FAM135A: variants seen among roughly 807,000 people sequenced by gnomAD.
FAM135A encodes the protein protein FAM135A.
FAM135A carries 79 observed loss-of-function variants against 146.8 expected under a neutral mutation model. The ratio of observed to expected loss-of-function variants is 0.54; its 90% CI spans 0.45 to 0.65. The LOEUF is 0.65. Among genes scored for constraint, FAM135A ranks in the 30% least tolerant of loss-of-function variants. The probability of loss-of-function intolerance (pLI) is 0.00; values close to 1 mark genes in which losing one functional copy is unlikely to be tolerated. For missense variants in FAM135A, 1,623 were observed against 1,758.2 expected (o/e 0.92, Z 1.38); for synonymous variants, 562 against 603.6 (o/e 0.93, Z 1.01).
intron 12 of FAM135A, among the ~76,000 whole-genome samples, chr6:70,515,407 G>A (rs755475007): frequency 3.9e-5 from 6 of 152,116 alleles, no homozygotes; most frequent in Non-Finnish European, 8.8e-5. Context: ...TTCATACAGT[G>A]GAATGTTATT....
At position 70,526,750 on chromosome 6, in the gene FAM135A, TACACACACACACACATACAC is replaced by T. The variant is rs1362961029; in HGVS notation, c.3614+68_3614+87del. On this transcript the variant is annotated intron_variant, in intron 15 of 21. Coordinates refer to ENST00000418814, the MANE Select transcript of FAM135A (RefSeq NM_001162529.3). ...GCTGCTAAATATATACATATATATA[TACACACACACACACATACAC>T]ACACACACACACACACACACACACA... 152 of 851,518 alleles carry T rather than the reference TACACACACACACACATACAC, an allele frequency of 1.8e-4. 1 individual carries two copies. Among genetic ancestry groups the T allele is most frequent in the African/African-American group, 1.2e-3 (56 of 48,486 alleles). 52.7% of individuals were successfully genotyped at this position (851,518 alleles called of 1,614,324 possible).
At chr6:70,512,142 T>C (rs1039903866) in intron 12 of FAM135A, among the ~76,000 whole-genome samples, 11 of 151,998 alleles carry the variant, frequency 7.2e-5, no homozygotes, top group African/African-American at 2.7e-4. Context: ...CATAAGCAAC[T>C]ACTGTCTTGA....
intron 5 of FAM135A, among the ~76,000 whole-genome samples, chr6:70,453,216 T>G (rs187461534): frequency 7.4e-4 from 112 of 152,262 alleles, no homozygotes; most frequent in Non-Finnish European, 1.3e-3. Context: ...TAAAGAGTTA[T>G]TATGTAAGCC....
rs569278398 is a variant in FAM135A, at chr6:70,501,974, C to T, written c.874-662C>T. ...GTTTGTTTACCTGCTTTTCTCCCCTCACTAGACTGTGAACTTCTCATATTA... is the reference window on the plus strand; with the variant it reads ...GTTTGTTTACCTGCTTTTCTCCCCTTACTAGACTGTGAACTTCTCATATTA... On this transcript the variant is annotated intron_variant, in intron 11 of 21. Coordinates refer to ENST00000418814, the MANE Select transcript of FAM135A (RefSeq NM_001162529.3). 6.4e-4 allele frequency among the ~76,000 whole-genome samples: 97 copies of T among 152,312 alleles called. 1 individual carries two copies. The highest frequency in any genetic ancestry group is 3.4e-3 in the Middle Eastern group (1 of 294).
chr6:70,430,359 G>C (rs1303776594), intron 4 of FAM135A, among the ~76,000 whole-genome samples: 1 of 151,812 alleles, frequency 6.6e-6, no homozygotes, highest in African/African-American at 2.4e-5. Flanking sequence ...AAAAAAGAAA[G>C]AGAGCAGAAG....
chr6:70,542,276 A>ACACACACC (rs1242891663), intron 20 of FAM135A, among the ~76,000 whole-genome samples: 1 of 149,014 alleles, frequency 6.7e-6, no homozygotes, highest in African/African-American at 2.5e-5. Flanking sequence ...ACACACACAC[A>ACACACACC]CCCTTTGCTG....
chr6:70,560,202 C>CTG lies in FAM135A; in HGVS notation c.*285_*286dup, dbSNP rs1801670415. ...TTTCAGTGAAACTTTAAGCCCATAC[C>CTG]TGTGTCTGATTGTTTATTATTGGCT... is the stretch of plus-strand genomic sequence containing the variant. On this transcript the variant is annotated 3_prime_UTR_variant, in exon 22 of 22. Transcript: ENST00000418814. 1 of 289,108 alleles carries CTG rather than the reference C, an allele frequency of 3.5e-6. No individual in the cohort carries two copies. The highest frequency in any genetic ancestry group is 2.2e-5 in the African/African-American group (1 of 44,816). 17.9% of individuals were successfully genotyped at this position (289,108 alleles called of 1,614,324 possible). A position where few individuals can be genotyped will look rare whatever the true frequency, so the allele number is the denominator to read the frequency against.
In FAM135A at chr6:70,561,062, A is replaced by T. The variant is rs1253712360; in HGVS notation, c.*1141A>T. The stretch of plus-strand genomic sequence containing the variant: ...TGTTTGCACTCACTAATTGTGACAG[A>T]CAGAGGTTTTTGTAAGTATTTATTG... On this transcript the variant is annotated 3_prime_UTR_variant, in exon 22 of 22. Coordinates refer to ENST00000418814, the MANE Select transcript of FAM135A (RefSeq NM_001162529.3). The T allele has an allele frequency of 2.0e-5, 3 of 152,562 alleles. No homozygotes were observed. Among genetic ancestry groups the T allele is most frequent in the African/African-American group, 7.2e-5 (3 of 41,446 alleles). 9.5% of individuals were successfully genotyped at this position (152,562 alleles called of 1,614,324 possible).
intron 16 of FAM135A, among the ~76,000 whole-genome samples, chr6:70,532,910 C>T (rs972210863): frequency 5.3e-5 from 8 of 150,314 alleles, no homozygotes; most frequent in African/African-American, 1.5e-4. Context: ...CCAGCTTGGG[C>T]GACAGAGCAA....
At chr6:70,426,993 AT>A (rs1266931114) in intron 3 of FAM135A, among the ~76,000 whole-genome samples, 1 of 152,160 alleles carries the variant, frequency 6.6e-6, no homozygotes, top group African/African-American at 2.4e-5. Flanking sequence ...AAGGCTGTCT[AT>A]GTCTCTGCTT....
At chr6:70,413,977 C>T (rs1766886148) in intron 1 of FAM135A, 3 of 985,758 alleles carry the variant, frequency 3.0e-6, no homozygotes, top group Non-Finnish European at 3.6e-6. Context: ...CTGCGCGCGT[C>T]CCTCGACCCG....
chr6:70,450,191 A>C (rs1359111223), intron 4 of FAM135A, among the ~76,000 whole-genome samples: 9 of 152,074 alleles, frequency 5.9e-5, no homozygotes, highest in Non-Finnish European at 1.2e-4. Context: ...GCAAATATTT[A>C]AACTTTTTTT....
At chr6:70,436,786 T>G (rs1050846110) in intron 4 of FAM135A, among the ~76,000 whole-genome samples, 4 of 152,210 alleles carry the variant, frequency 2.6e-5, no homozygotes, top group Non-Finnish European at 5.9e-5. Flanking sequence ...ATGGGGCCAA[T>G]AGTAATTGAA....
At chr6:70,517,512 C>T (rs981927365) in intron 12 of FAM135A, among the ~76,000 whole-genome samples, 5 of 151,438 alleles carry the variant, frequency 3.3e-5, no homozygotes, top group Admixed American at 1.3e-4. Context: ...TCTGCCTCCC[C>T]GGTTCAAGCA....
intron 21 of FAM135A, 171 bp downstream of exon 21, chr6:70,557,034 A>T: frequency 1.6e-6 from 1 of 615,056 alleles, no homozygotes; most frequent in East Asian, 2.7e-5. Flanking sequence ...CTGCCACGTG[A>T]ACTGCCTTTA....
intron 12 of FAM135A, among the ~76,000 whole-genome samples, chr6:70,522,040 C>G (rs767416073): frequency 3.9e-5 from 6 of 152,144 alleles, no homozygotes; most frequent in Admixed American, 1.3e-4. Flanking sequence ...CCTCAGCCTC[C>G]TGAGTAGCTG....
At chr6:70,431,909 CATT>C (rs1771740854) in intron 4 of FAM135A, among the ~76,000 whole-genome samples, 1 of 151,796 alleles carries the variant, frequency 6.6e-6, no homozygotes, top group Non-Finnish European at 1.5e-5. Flanking sequence ...TAAAATATAT[CATT>C]ATAAAATTAT....
chr6:70,465,667 A>G (rs1199186765), intron 5 of FAM135A, among the ~76,000 whole-genome samples: 1 of 152,156 alleles, frequency 6.6e-6, no homozygotes, highest in African/African-American at 2.4e-5. Flanking sequence ...GGCGTGAGCC[A>G]CACACTGTGT....
intron 12 of FAM135A, among the ~76,000 whole-genome samples, chr6:70,508,912 A>G (rs1394257426): frequency 6.6e-6 from 1 of 152,190 alleles, no homozygotes; most frequent in Non-Finnish European, 1.5e-5. Context: ...TGAAGTATTA[A>G]TATATCTTAG....
Sources: gnomAD v4.1 joint callset for allele counts (sites outside exome capture counted in the v4.1 genomes callset) on GRCh38, gnomAD v4.1.1 for gene constraint, MANE v1.5 for transcripts, NCBI Gene and HGNC (gene_info 2026-07-23, HGNC 2026-07-21) for gene names.